Variants in NBAS observed in about 807,000 individuals in gnomAD.
The protein encoded by NBAS is NAG/BC035112 fusion.
Under a neutral mutation model 302.5 loss-of-function variants are expected in NBAS, and 219 were observed. The ratio of observed to expected loss-of-function variants is 0.72; its 90% CI spans 0.65 to 0.81. The LOEUF (loss-of-function observed/expected upper bound fraction) is 0.81. Ranked by LOEUF, NBAS falls within the 30% of genes least tolerant of loss-of-function variation. The probability of loss-of-function intolerance (pLI) is 0.00; values close to 1 mark genes in which losing one functional copy is unlikely to be tolerated. For missense variants in NBAS, 2,932 were observed against 2,841.6 expected, an observed-to-expected ratio of 1.03 and a Z score of -0.72; for synonymous variants, 1,118 against 1,021.6, an observed-to-expected ratio of 1.09 and a Z score of -1.80.
At chr2:15,198,569 G>C (rs1376629081) in intron 48 of NBAS, among the ~76,000 whole-genome samples, 1 of 152,148 alleles carries the variant, frequency 6.6e-6, no homozygotes, top group Non-Finnish European at 1.5e-5. Flanking sequence ...TAAATAAAGT[G>C]TGCTGGGGCC....
At chr2:14,902,173 C>G in the NBAS span, among the ~76,000 whole-genome samples, 2,172 of 152,290 alleles carry the variant, frequency 0.014, 26 homozygotes, top group Non-Finnish European at 0.019. Context: ...ACTCCGTCAC[C>G]CAGGCTAGAG....
intron 26 of NBAS, among the ~76,000 whole-genome samples, chr2:15,398,551 T>C (rs2148420828): frequency 6.6e-6 from 1 of 152,256 alleles, no homozygotes; most frequent in South Asian, 2.1e-4. Context: ...ATGAGTAAAG[T>C]TTTTTTAGCC....
At chr2:15,328,123 A>G in intron 37 of NBAS, 76 bp downstream of exon 37, 1 of 1,415,366 alleles carries the variant, frequency 7.1e-7, no homozygotes, top group Admixed American at 1.9e-5. Context: ...TATTTTCAAG[A>G]AAATTTTAGT....
chr2:15,311,396 G>A (rs1179873006), intron 38 of NBAS, among the ~76,000 whole-genome samples: 3 of 152,160 alleles, frequency 2.0e-5, no homozygotes, highest in Non-Finnish European at 4.4e-5. Flanking sequence ...TACCCAGTAG[G>A]TTCCCTCCAT....
At chr2:15,145,053 A>T in the NBAS span, among the ~76,000 whole-genome samples, 1 of 152,100 alleles carries the variant, frequency 6.6e-6, no homozygotes, top group East Asian at 1.9e-4. Context: ...TGGGCTAATG[A>T]AGACGGCCAC....
rs190548752 is a variant in NBAS, at chr2:15,447,355, A to T, written c.2339+13846T>A. Among the ~76,000 whole-genome samples the T allele has an allele frequency of 6.6e-5, 10 of 152,368 alleles. No homozygotes were observed. The East Asian group carries it at 1.9e-3, about 29-fold the overall frequency. Reference sequence around the variant, plus strand: ...AAAGGCATCTGACTTGATGGATATGAGAATTTCATCTCTGTTGAGAGGGAA... The same window carrying T: ...AAAGGCATCTGACTTGATGGATATGTGAATTTCATCTCTGTTGAGAGGGAA... On this transcript the variant is annotated intron_variant, in intron 21 of 51. Transcript: ENST00000281513.
At chr2:15,455,182 C>T (rs1474447971) in intron 21 of NBAS, among the ~76,000 whole-genome samples, 2 of 152,128 alleles carry the variant, frequency 1.3e-5, no homozygotes, top group South Asian at 2.1e-4. Flanking sequence ...GGATTACAGG[C>T]GTGAGCCACC....
Position 15,392,064 on chromosome 2 carries a change from G to C in NBAS, c.3257+2163C>G, listed in dbSNP as rs114219182. ...GAAGCCTTCCAGACAAAAAGAAAAT[G>C]CAACCAGATGGAAACATAAGTCTAC... is the stretch of plus-strand genomic sequence containing the variant. On this transcript the variant is annotated intron_variant, in intron 28 of 51. Coordinates refer to ENST00000281513, the MANE Select transcript of NBAS (RefSeq NM_015909.4). Among the ~76,000 whole-genome samples the C allele has an allele frequency of 6.8e-3, 1,024 of 151,354 alleles. 12 individuals carry two copies. Among genetic ancestry groups the C allele is most frequent in the African/African-American group, 0.022 (924 of 41,350 alleles).
chr2:15,362,246 G>A (rs1333939406), intron 32 of NBAS, among the ~76,000 whole-genome samples: 1 of 151,784 alleles, frequency 6.6e-6, no homozygotes, highest in Non-Finnish European at 1.5e-5. Flanking sequence ...GGGAGGCTGA[G>A]GTAGGAGGAT....
the NBAS span, chr2:14,890,891 A>C: frequency 6.5e-6 from 1 of 153,216 alleles, no homozygotes; most frequent in Non-Finnish European, 1.5e-5. Flanking sequence ...GCAGGCACTA[A>C]AATCAAAGTG....
At chr2:15,290,295 G>A (rs765423884) in intron 41 of NBAS, among the ~76,000 whole-genome samples, 66 of 152,182 alleles carry the variant, frequency 4.3e-4, no homozygotes, top group Non-Finnish European at 8.5e-4. Context: ...AAAGCAGCAA[G>A]CTGGTGGAAA....
At chr2:14,911,912 G>C in the NBAS span, among the ~76,000 whole-genome samples, 10 of 152,322 alleles carry the variant, frequency 6.6e-5, no homozygotes, top group East Asian at 1.2e-3. Context: ...TTACAGTGAT[G>C]TGTCACTTAA....
At chr2:15,385,788 T>C (rs1675262403) in intron 28 of NBAS, among the ~76,000 whole-genome samples, 1 of 152,182 alleles carries the variant, frequency 6.6e-6, no homozygotes, top group South Asian at 2.1e-4. Context: ...GGTCAACTAC[T>C]GTGAAAACAG....
intron 9 of NBAS, among the ~76,000 whole-genome samples, chr2:15,518,633 G>C (rs767772404): frequency 6.6e-6 from 1 of 152,074 alleles, no homozygotes; most frequent in Non-Finnish European, 1.5e-5. Flanking sequence ...ACAAGAGAGA[G>C]AAAGAGAAAG....
At chr2:15,355,438 CA>C (rs1432015983) in intron 33 of NBAS, among the ~76,000 whole-genome samples, 1 of 152,146 alleles carries the variant, frequency 6.6e-6, no homozygotes, top group Non-Finnish European at 1.5e-5. Flanking sequence ...ATTTGAATTT[CA>C]ATATGAAGAA....
chr2:15,391,109 CA>C (rs1204757742), intron 28 of NBAS, among the ~76,000 whole-genome samples: 48 of 133,270 alleles, frequency 3.6e-4, no homozygotes, highest in African/African-American at 3.3e-4. Flanking sequence ...GATTCCATCT[CA>C]AAAAAAAAAA....
At position 15,467,434 on chromosome 2, in the gene NBAS, C is replaced by A. The variant is rs1000860480; in HGVS notation, c.2019-27G>T. 3 of 1,543,630 alleles carry A rather than the reference C, an allele frequency of 1.9e-6. No individual in the cohort carries two copies. In the African/African-American group the frequency reaches 4.1e-5, roughly 21 times the overall value. On this transcript the variant is annotated intron_variant, in intron 18 of 51. Coordinates refer to ENST00000281513, the MANE Select transcript of NBAS (RefSeq NM_015909.4). The stretch of plus-strand genomic sequence containing the variant: ...TGTTTTGAATAACTATGTTAGGCCA[C>A]TTATATTTACACAGAATTATTTCTC...
At chr2:15,469,703 T>C (rs545040455) in intron 16 of NBAS, among the ~76,000 whole-genome samples, 4 of 152,144 alleles carry the variant, frequency 2.6e-5, no homozygotes, top group African/African-American at 7.2e-5. Context: ...TAGATGAAGC[T>C]GGAAACCATC....
At chr2:15,103,526 T>A in the NBAS span, among the ~76,000 whole-genome samples, 1 of 152,184 alleles carries the variant, frequency 6.6e-6, no homozygotes, top group African/African-American at 2.4e-5. Context: ...GGGTAATGGT[T>A]CTTTTGCCTT....
Sources: gnomAD v4.1 joint callset for allele counts (sites outside exome capture counted in the v4.1 genomes callset) on GRCh38, gnomAD v4.1.1 for gene constraint, MANE v1.5 for transcripts, NCBI Gene and HGNC (gene_info 2026-07-23, HGNC 2026-07-21) for gene names.